Variants in KSR2 observed in about 807,000 individuals in gnomAD.
KSR2 encodes the protein kinase suppressor of ras 2.
In KSR2, 25 loss-of-function variants were observed where a neutral mutation model predicts 107.8. That is an observed-to-expected ratio of 0.23 (90% CI 0.17 to 0.32). The LOEUF (loss-of-function observed/expected upper bound fraction) is 0.32, where lower values mean the gene tolerates loss of function less well. KSR2 is among the 10% of genes least tolerant of loss of function. The pLI is 1.00. For missense variants in KSR2, 887 were observed against 1,268.9 expected, an observed-to-expected ratio of 0.70 and a Z score of 4.57; for synonymous variants, 480 against 507.0, an observed-to-expected ratio of 0.95 and a Z score of 0.71.
At chr12:117,610,221 T>G (rs1881517399) in intron 5 of KSR2, among the ~76,000 whole-genome samples, 1 of 152,178 alleles carries the variant, frequency 6.6e-6, no homozygotes. Flanking sequence ...TTCAATAGCC[T>G]TGGAAATAAG....
chr12:117,885,831 C>T (rs1348156610), intron 1 of KSR2, among the ~76,000 whole-genome samples: 4 of 151,996 alleles, frequency 2.6e-5, no homozygotes, highest in African/African-American at 9.7e-5. Flanking sequence ...CGCGGTGGCT[C>T]ACGTCTGTAA....
intron 4 of KSR2, among the ~76,000 whole-genome samples, chr12:117,754,944 G>T (rs1277489229): frequency 6.6e-6 from 1 of 152,206 alleles, no homozygotes; most frequent in South Asian, 2.1e-4. Flanking sequence ...TTGAAACTCA[G>T]ATTCATTCCA....
chr12:117,502,994 A>G (rs1384629336), intron 14 of KSR2, among the ~76,000 whole-genome samples: 1 of 152,166 alleles, frequency 6.6e-6, no homozygotes, highest in Non-Finnish European at 1.5e-5. Context: ...AAAACAAACT[A>G]TCATTTCATT....
chr12:117,582,344 G>T lies in KSR2; in HGVS notation c.1187C>A (p.Pro396Gln). ...GCGAGGGATCTGCGGGGACCAGCGT[G>T]GCACTGACAGTGTGTCTACAGAGAG... ...ANFSANTLSV[P>Q]RWSPQIPRRD... Residue 396 changes from proline to glutamine, a missense_variant, in exon 6 of 20, where the codon CCA (proline) becomes CAA (glutamine). Transcript: ENST00000339824. 6.2e-7 allele frequency: 1 copy of T among 1,613,690 alleles called. No homozygotes were observed. Among genetic ancestry groups the T allele is most frequent in the Non-Finnish European group, 8.5e-7 (1 of 1,179,748 alleles).
intron 1 of KSR2, among the ~76,000 whole-genome samples, chr12:117,903,894 G>A (rs781285479): frequency 7.9e-5 from 12 of 152,064 alleles, no homozygotes; most frequent in Non-Finnish European, 1.8e-4. Context: ...AGCTACCTGG[G>A]AGGCTGGGGT....
At chr12:117,834,148 A>T (rs964047724) in intron 3 of KSR2, among the ~76,000 whole-genome samples, 62 of 145,898 alleles carry the variant, frequency 4.2e-4, no homozygotes, top group Non-Finnish European at 8.0e-4. Context: ...CTCAAAAAAA[A>T]TAAAAAAAAA....
chr12:117,780,541 G>A (rs1419270234), intron 3 of KSR2, among the ~76,000 whole-genome samples: 1 of 152,126 alleles, frequency 6.6e-6, no homozygotes, highest in African/African-American at 2.4e-5. Context: ...AAGAATAGGG[G>A]TTACCAGGGG....
chr12:117,477,737 T>A (rs73210108), intron 16 of KSR2, among the ~76,000 whole-genome samples: 140 of 152,308 alleles, frequency 9.2e-4, no homozygotes, highest in Admixed American at 1.6e-3. Flanking sequence ...AACACCAGTG[T>A]AATTGGAACA....
At chr12:117,918,172 A>G (rs1895237637) in intron 1 of KSR2, among the ~76,000 whole-genome samples, 1 of 152,250 alleles carries the variant, frequency 6.6e-6, no homozygotes, top group South Asian at 2.1e-4. Context: ...CTTTCAGACT[A>G]CGTTTATTTG....
intron 1 of KSR2, among the ~76,000 whole-genome samples, chr12:117,947,251 AAGAAAG>A (rs1896226673): frequency 8.0e-6 from 1 of 125,418 alleles, no homozygotes; most frequent in Non-Finnish European, 1.7e-5. Flanking sequence ...GAAAGAAAGA[AAGAAAG>A]AAGATAAACC....
At chr12:117,555,032 C>T (rs1877562795) in intron 9 of KSR2, 137 bp downstream of exon 9, 1 of 1,034,234 alleles carries the variant, frequency 9.7e-7, no homozygotes, top group Non-Finnish European at 1.4e-6. Context: ...TTACTCAACA[C>T]AAACATCACA....
chr12:117,490,584 T>TG (rs1327446837), intron 14 of KSR2, among the ~76,000 whole-genome samples: 1 of 152,216 alleles, frequency 6.6e-6, no homozygotes, highest in African/African-American at 2.4e-5. Context: ...TTCTTTGAGA[T>TG]GGGGTCTCAC....
chr12:117,750,432 A>G (rs2136823596), intron 4 of KSR2, among the ~76,000 whole-genome samples: 1 of 152,226 alleles, frequency 6.6e-6, no homozygotes, highest in Admixed American at 6.5e-5. Context: ...AAAATAAGAC[A>G]TTCAACATGA....
intron 3 of KSR2, among the ~76,000 whole-genome samples, chr12:117,853,477 G>A (rs1892993272): frequency 6.6e-6 from 1 of 152,074 alleles, no homozygotes; most frequent in African/African-American, 2.4e-5. Context: ...CAAGTAGCTA[G>A]GACTACAGGC....
At chr12:117,643,534 G>A (rs772797367) in intron 5 of KSR2, among the ~76,000 whole-genome samples, 2 of 152,160 alleles carry the variant, frequency 1.3e-5, no homozygotes, top group Non-Finnish European at 2.9e-5. Flanking sequence ...CACCAAAAAA[G>A]GATGCAGGAT....
At chr12:117,886,157 T>A (rs567494559) in intron 1 of KSR2, among the ~76,000 whole-genome samples, 1 of 150,816 alleles carries the variant, frequency 6.6e-6, no homozygotes, top group Non-Finnish European at 1.5e-5. Context: ...AAAATATACA[T>A]GTACATATGT....
At chr12:117,952,243 CTAACT>C (rs1896388232) in intron 1 of KSR2, among the ~76,000 whole-genome samples, 1 of 151,936 alleles carries the variant, frequency 6.6e-6, no homozygotes, top group Admixed American at 6.6e-5. Context: ...AATGTGTTAA[CTAACT>C]TGATTGTGTG....
Position 117,798,643 on chromosome 12 carries a change from C to T in KSR2, c.473-37119G>A, listed in dbSNP as rs375034933. Among the ~76,000 whole-genome samples the T allele has an allele frequency of 5.5e-4, 80 of 144,492 alleles. 1 individual carries two copies. In the East Asian group the frequency reaches 9.5e-3, roughly 17 times the overall value. 94.8% of individuals were successfully genotyped at this position (144,492 alleles called of 152,430 possible). On this transcript the variant is annotated intron_variant, in intron 3 of 19. Transcript: ENST00000339824. ...GTGAGACTCTGTCTCAAAAACAAAA[C>T]GAAACAAAACAAAAAGTTACTAAAG... is the stretch of plus-strand genomic sequence containing the variant.
intron 14 of KSR2, 128 bp from the exon 15 acceptor site, chr12:117,485,819 T>C (rs1872431570): frequency 4.7e-6 from 3 of 641,552 alleles, no homozygotes; most frequent in Non-Finnish European, 8.4e-6. Flanking sequence ...TATGAGATAA[T>C]AAGTCTGGGA....
Sources: gnomAD v4.1 joint callset for allele counts (sites outside exome capture counted in the v4.1 genomes callset) on GRCh38, gnomAD v4.1.1 for gene constraint, MANE v1.5 for transcripts, NCBI Gene and HGNC (gene_info 2026-07-23, HGNC 2026-07-21) for gene names.